GXYLT2: variants seen among roughly 807,000 people sequenced by gnomAD.
GXYLT2 encodes the protein glycosyltransferase 8 domain containing 4.
Under a neutral mutation model 45.8 loss-of-function variants are expected in GXYLT2, and 53 were observed. That is an observed-to-expected ratio of 1.16 (90% CI 0.93 to 1.46). The LOEUF (loss-of-function observed/expected upper bound fraction) is 1.46. Ranked by LOEUF, GXYLT2 falls within the 40% of genes most tolerant of loss-of-function variation. The pLI, the probability that GXYLT2 is intolerant of heterozygous loss-of-function variation, is 0.00. For synonymous variants in GXYLT2, 219 were observed against 214.2 expected (o/e 1.02, Z -0.19); for missense variants, 551 against 544.4 (o/e 1.01, Z -0.12).
intron 2 of GXYLT2, among the ~76,000 whole-genome samples, chr3:72,912,583 T>C (rs1025926720): frequency 5.3e-5 from 8 of 152,206 alleles, no homozygotes; most frequent in African/African-American, 1.9e-4. Context: ...TGAAATACAT[T>C]ATGCCAAATG....
intron 6 of GXYLT2, among the ~76,000 whole-genome samples, chr3:72,971,793 A>G (rs959237945): frequency 3.3e-5 from 5 of 152,162 alleles, no homozygotes; most frequent in Middle Eastern, 3.4e-3. Flanking sequence ...TACTAAAAAC[A>G]TGAAAATTAG....
chr3:72,895,426 T>G (rs1709271031), intron 1 of GXYLT2, among the ~76,000 whole-genome samples: 4 of 152,232 alleles, frequency 2.6e-5, no homozygotes, highest in Admixed American at 2.6e-4. Context: ...CAGAGAGTCC[T>G]GACTAATTTG....
At chr3:72,952,507 A>T (rs1710547600) in intron 3 of GXYLT2, among the ~76,000 whole-genome samples, 2 of 152,012 alleles carry the variant, frequency 1.3e-5, no homozygotes, top group Admixed American at 6.6e-5. Context: ...AGTTTTAAAT[A>T]TTGGGGATCC....
intron 1 of GXYLT2, among the ~76,000 whole-genome samples, chr3:72,890,846 T>C (rs139167214): frequency 0.012 from 1,884 of 152,264 alleles, 42 homozygotes; most frequent in African/African-American, 0.042. Flanking sequence ...TCGTGGAAAT[T>C]ATGGCCAACA....
chr3:72,970,869 A>G (rs1056283678), intron 6 of GXYLT2, among the ~76,000 whole-genome samples: 3 of 152,222 alleles, frequency 2.0e-5, no homozygotes, highest in African/African-American at 4.8e-5. Context: ...TCTCAAAAAA[A>G]GAAAAAAGCA....
intron 2 of GXYLT2, among the ~76,000 whole-genome samples, chr3:72,909,362 G>T (rs763179401): frequency 1.3e-5 from 2 of 151,744 alleles, no homozygotes; most frequent in African/African-American, 2.4e-5. Flanking sequence ...GAGCCACTGC[G>T]CCTGGCCGGT....
intron 2 of GXYLT2, among the ~76,000 whole-genome samples, chr3:72,913,873 C>T (rs946446316): frequency 1.3e-5 from 2 of 152,080 alleles, no homozygotes; most frequent in Non-Finnish European, 2.9e-5. Context: ...GCAAATGATA[C>T]CCTGCTTATG....
At chr3:72,909,587 C>G (rs1168269958) in intron 2 of GXYLT2, among the ~76,000 whole-genome samples, 1 of 152,234 alleles carries the variant, frequency 6.6e-6, no homozygotes, top group African/African-American at 2.4e-5. Flanking sequence ...TTACCTCATT[C>G]TTTTTGGTGA....
intron 1 of GXYLT2, among the ~76,000 whole-genome samples, chr3:72,902,714 C>CGGTGGCTCATGCCTGTACTTCCAGGCAT (rs1316034662): frequency 4.0e-5 from 6 of 150,514 alleles, no homozygotes; most frequent in Non-Finnish European, 6.0e-5. Context: ...AGGCCAGGTG[C>CGGTGGCTCATGCCTGTACTTCCAGGCAT]GGTGGCTCAT....
At chr3:72,957,405 C>T (rs1710669378) in intron 5 of GXYLT2, 53 bp downstream of exon 5, 3 of 1,523,876 alleles carry the variant, frequency 2.0e-6, no homozygotes, top group African/African-American at 2.8e-5. Context: ...CAGCACACCC[C>T]ACGGAGCACA....
At chr3:72,962,044 T>G (rs1710780961) in intron 5 of GXYLT2, among the ~76,000 whole-genome samples, 1 of 152,150 alleles carries the variant, frequency 6.6e-6, no homozygotes, top group Admixed American at 6.6e-5. Flanking sequence ...CTCACTCACA[T>G]GGGACAAGTC....
intron 3 of GXYLT2, among the ~76,000 whole-genome samples, chr3:72,954,399 C>CTCTGTG (rs376700096): frequency 3.8e-4 from 51 of 133,894 alleles, no homozygotes; most frequent in African/African-American, 1.2e-3. Flanking sequence ...TGCTCCCAGC[C>CTCTGTG]TGTGTGTGTG....
intron 3 of GXYLT2, among the ~76,000 whole-genome samples, chr3:72,941,933 A>G (rs1395336755): frequency 3.9e-5 from 6 of 152,174 alleles, no homozygotes; most frequent in Non-Finnish European, 5.9e-5. Context: ...TAGCACCTAG[A>G]TATTGGTTTC....
chr3:72,891,364 A>G (rs1352819779), intron 1 of GXYLT2, among the ~76,000 whole-genome samples: 4 of 152,276 alleles, frequency 2.6e-5, no homozygotes, highest in Middle Eastern at 3.4e-3. Context: ...TGCCACGTCA[A>G]CGCAGGAAAC....
intron 3 of GXYLT2, among the ~76,000 whole-genome samples, chr3:72,933,525 A>G (rs17010276): frequency 0.016 from 2,448 of 152,340 alleles, 54 homozygotes; most frequent in African/African-American, 0.056. Context: ...GATGTTGGCT[A>G]TAGTAAGTAC....
rs202183122 is a variant in GXYLT2, at chr3:72,955,245, G to A, written c.748G>A (p.Gly250Ser). ...CCCTGAGCACGAAATCCCCAAGATT[G>A]GCTGGTACAGCCGCTTTGCTAGGCA... ...MAPEHEIPKI[G>S]WYSRFARHPF... The change falls in exon 4 of 7, where the codon GGC becomes AGC. Residue 250 changes from glycine (G) to serine (S), a missense_variant. By Grantham distance (56) the Gly-to-Ser change is moderately conservative. Transcript: ENST00000389617. 18 of 1,614,014 alleles carry A rather than the reference G, an allele frequency of 1.1e-5. No individual in the cohort carries two copies. The South Asian group carries it at 1.8e-4, about 16-fold the overall frequency.
At chr3:72,949,371 A>G (rs1710471326) in intron 3 of GXYLT2, among the ~76,000 whole-genome samples, 1 of 151,812 alleles carries the variant, frequency 6.6e-6, no homozygotes, top group African/African-American at 2.4e-5. Flanking sequence ...CTTTTCCTCC[A>G]GCCTGGCTTA....
At chr3:72,893,380 A>G (rs879444485) in intron 1 of GXYLT2, among the ~76,000 whole-genome samples, 2 of 151,560 alleles carry the variant, frequency 1.3e-5, no homozygotes, top group African/African-American at 4.9e-5. Context: ...TAACTCCTCC[A>G]TTTTTTTCAG....
chr3:72,889,546 A>G (rs572674291), intron 1 of GXYLT2, among the ~76,000 whole-genome samples: 3 of 152,232 alleles, frequency 2.0e-5, no homozygotes, highest in Admixed American at 1.3e-4. Context: ...TTTTAGGGGG[A>G]AAAAACCCCA....
Sources: gnomAD v4.1 joint callset for allele counts (sites outside exome capture counted in the v4.1 genomes callset) on GRCh38, gnomAD v4.1.1 for gene constraint, MANE v1.5 for transcripts, NCBI Gene and HGNC (gene_info 2026-07-23, HGNC 2026-07-21) for gene names.